Variants in CNTN1 observed in about 807,000 individuals in gnomAD.
CNTN1 encodes contactin 1, also known as contactin-1.
Under a neutral mutation model 126.4 loss-of-function variants are expected in CNTN1, and 38 were observed. That is an observed-to-expected ratio of 0.30 (90% confidence interval 0.23 to 0.39). CNTN1 has a LOEUF of 0.39. Ranked by LOEUF, CNTN1 falls within the 10% of genes least tolerant of loss-of-function variation. CNTN1 has a pLI of 1.00. For missense variants in CNTN1, 1,009 were observed against 1,248.4 expected, an observed-to-expected ratio of 0.81 and a Z score of 2.89; for synonymous variants, 413 against 422.6, an observed-to-expected ratio of 0.98 and a Z score of 0.28.
chr12:40,747,057 C>T (rs1003352795), intron 1 of CNTN1, among the ~76,000 whole-genome samples: 2 of 152,048 alleles, frequency 1.3e-5, no homozygotes, highest in African/African-American at 2.4e-5. Context: ...TGACTATCTA[C>T]TGTAACAAAT....
intron 17 of CNTN1, among the ~76,000 whole-genome samples, chr12:41,006,800 T>A (rs1295800033): frequency 2.0e-5 from 3 of 152,174 alleles, no homozygotes; most frequent in African/African-American, 7.2e-5. Flanking sequence ...AGCATTTGCA[T>A]GGGAAAAGGT....
intron 15 of CNTN1, among the ~76,000 whole-genome samples, chr12:40,964,814 C>T (rs1181001518): frequency 4.6e-5 from 7 of 152,084 alleles, no homozygotes; most frequent in South Asian, 4.2e-4. Context: ...TGTCAGTATA[C>T]GTTTTAGCTG....
At chr12:41,046,847 C>CTTTTTTT (rs56655599) in intron 23 of CNTN1, among the ~76,000 whole-genome samples, 444 of 118,864 alleles carry the variant, frequency 3.7e-3, no homozygotes, top group East Asian at 5.1e-3. Context: ...TTGCTTATTT[C>CTTTTTTT]TTTTTTTTTT....
chr12:40,824,744 A>G (rs1235179159), intron 1 of CNTN1, among the ~76,000 whole-genome samples: 2 of 152,182 alleles, frequency 1.3e-5, no homozygotes, highest in African/African-American at 4.8e-5. Context: ...ATTAAAGCCC[A>G]TATTGTTTCC....
chr12:40,873,062 C>T (rs1943558527), intron 1 of CNTN1, among the ~76,000 whole-genome samples: 1 of 152,126 alleles, frequency 6.6e-6, no homozygotes, highest in Non-Finnish European at 1.5e-5. Flanking sequence ...GCTGTCTACT[C>T]TCCTCTGCAA....
At chr12:40,995,340 T>A (rs1948186141) in intron 17 of CNTN1, among the ~76,000 whole-genome samples, 1 of 152,114 alleles carries the variant, frequency 6.6e-6, no homozygotes, top group Admixed American at 6.5e-5. Flanking sequence ...AAATCTTCTC[T>A]ACACCATCTA....
intron 11 of CNTN1, among the ~76,000 whole-genome samples, chr12:40,939,123 C>T (rs1178622106): frequency 6.6e-6 from 1 of 152,080 alleles, no homozygotes; most frequent in Non-Finnish European, 1.5e-5. Context: ...AAGAATTGTA[C>T]ATTTGAATTG....
At chr12:40,973,854 TA>T (rs1168695921) in intron 15 of CNTN1, among the ~76,000 whole-genome samples, 1 of 152,182 alleles carries the variant, frequency 6.6e-6, no homozygotes, top group Non-Finnish European at 1.5e-5. Flanking sequence ...ACATCCTGTT[TA>T]TAAATTGAGA....
At chr12:40,883,414 G>A (rs140570016) in intron 1 of CNTN1, among the ~76,000 whole-genome samples, 13 of 151,656 alleles carry the variant, frequency 8.6e-5, no homozygotes, top group East Asian at 5.8e-4. Flanking sequence ...AAGCATAAGC[G>A]TCATAATATT....
At chr12:40,865,335 A>G (rs1395086767) in intron 1 of CNTN1, among the ~76,000 whole-genome samples, 2 of 152,056 alleles carry the variant, frequency 1.3e-5, no homozygotes, top group Non-Finnish European at 1.5e-5. Context: ...TTGATGCCCA[A>G]AAGTTTTCAA....
chr12:41,064,607 A>G (rs1274916263), intron 23 of CNTN1, among the ~76,000 whole-genome samples: 1 of 152,182 alleles, frequency 6.6e-6, no homozygotes, highest in African/African-American at 2.4e-5. Context: ...ATGGGGTGAT[A>G]GAGTTGCGGG....
At chr12:40,802,062 C>G (rs1431157128) in intron 1 of CNTN1, among the ~76,000 whole-genome samples, 2 of 151,752 alleles carry the variant, frequency 1.3e-5, no homozygotes, top group South Asian at 2.1e-4. Context: ...TAGGATGATG[C>G]CATTTACTAG....
chr12:40,995,751 A>C (rs915152345), intron 17 of CNTN1, among the ~76,000 whole-genome samples: 5 of 152,220 alleles, frequency 3.3e-5, no homozygotes, highest in Non-Finnish European at 5.9e-5. Context: ...AATTGTAAAA[A>C]AAAAATTAAT....
At chr12:40,771,442 TTG>T (rs1939332675) in intron 1 of CNTN1, among the ~76,000 whole-genome samples, 1 of 151,912 alleles carries the variant, frequency 6.6e-6, no homozygotes, top group Admixed American at 6.6e-5. Flanking sequence ...TTTTATAATG[TTG>T]TTCTTGCAAA....
intron 15 of CNTN1, chr12:40,971,324 T>A (rs981641137): frequency 3.4e-6 from 3 of 890,738 alleles, no homozygotes; most frequent in Non-Finnish European, 5.2e-6. Flanking sequence ...CTGTGTTTAT[T>A]CTTTCACCTT....
intron 19 of CNTN1, among the ~76,000 whole-genome samples, chr12:41,017,456 C>A (rs978590846): frequency 6.6e-6 from 1 of 150,816 alleles, no homozygotes; most frequent in African/African-American, 2.4e-5. Flanking sequence ...AAATTCTAAC[C>A]TAAAAATGTG....
chr12:41,026,174 G>A (rs1949034062), intron 21 of CNTN1, among the ~76,000 whole-genome samples: 1 of 152,198 alleles, frequency 6.6e-6, no homozygotes, highest in African/African-American at 2.4e-5. Flanking sequence ...ATTCATTTTT[G>A]TTCTTTTTCC....
At chr12:40,887,866 GA>G (rs1944098625) in intron 1 of CNTN1, among the ~76,000 whole-genome samples, 1 of 152,050 alleles carries the variant, frequency 6.6e-6, no homozygotes, top group East Asian at 1.9e-4. Flanking sequence ...CCTTTGTGGG[GA>G]CATGGATGAA....
At chr12:40,864,268 C>T (rs1943223179) in intron 1 of CNTN1, among the ~76,000 whole-genome samples, 1 of 151,820 alleles carries the variant, frequency 6.6e-6, no homozygotes, top group African/African-American at 2.4e-5. Flanking sequence ...GATCTACCTG[C>T]CTTGGCCTCT....
Sources: allele counts gnomAD v4.1 joint callset (sites outside exome capture counted in the v4.1 genomes callset), GRCh38; gene constraint gnomAD v4.1.1; transcripts MANE v1.5; gene names NCBI Gene and HGNC (gene_info 2026-07-23, HGNC 2026-07-21).